Variants in PPM1E observed in about 807,000 individuals in gnomAD.
PPM1E encodes the protein protein phosphatase 1E.
Under a neutral mutation model 65.9 loss-of-function variants are expected in PPM1E, and 20 were observed. The observed-to-expected ratio is 0.30, with a 90% confidence interval of 0.21 to 0.44. The LOEUF is 0.44. Among genes scored for constraint, PPM1E ranks in the 20% least tolerant of loss-of-function variants. The pLI is 1.00. For synonymous variants in PPM1E, 352 were observed against 374.9 expected, an observed-to-expected ratio of 0.94 and a Z score of 0.70; for missense variants, 713 against 953.1, an observed-to-expected ratio of 0.75 and a Z score of 3.32.
At chr17:58,973,393 G>C (rs2030770582) in intron 6 of PPM1E, among the ~76,000 whole-genome samples, 1 of 150,092 alleles carries the variant, frequency 6.7e-6, no homozygotes, top group African/African-American at 2.5e-5. Flanking sequence ...CGCCAGCCTG[G>C]GTGACAGTGT....
At chr17:58,846,185 A>G (rs918927619) in intron 1 of PPM1E, among the ~76,000 whole-genome samples, 3 of 152,284 alleles carry the variant, frequency 2.0e-5, no homozygotes, top group African/African-American at 7.2e-5. Context: ...ATACCCATAG[A>G]ATTGCTGGGT....
At position 58,983,114 on chromosome 17, in the gene PPM1E, T is replaced by C. The variant is rs2031469198; in HGVS notation, c.*2083T>C. On this transcript the variant is annotated 3_prime_UTR_variant, in exon 7 of 7. Transcript: ENST00000308249. ...CTTTCTCAGTGGGGAAAAAAATGGC[T>C]GGATAGAACTGGGACAAACACAGAC... The C allele has an allele frequency of 1.8e-6, 1 of 556,440 alleles. No individual in the cohort carries two copies. 34.5% of individuals were successfully genotyped at this position (556,440 alleles called of 1,614,324 possible).
At chr17:58,766,204 T>G (rs1478149383) in intron 1 of PPM1E, among the ~76,000 whole-genome samples, 1,462 of 132,392 alleles carry the variant, frequency 0.011, 34 homozygotes, top group African/African-American at 0.04. Flanking sequence ...CTGTTTTTTT[T>G]TTTTTTTTTT....
intron 1 of PPM1E, among the ~76,000 whole-genome samples, chr17:58,922,123 C>T (rs148197462): frequency 2.3e-4 from 33 of 146,636 alleles, no homozygotes; most frequent in African/African-American, 3.8e-4. Context: ...TGAGAGCTTA[C>T]GTGAGTTATA....
At chr17:58,867,228 T>G (rs1363196537) in intron 1 of PPM1E, among the ~76,000 whole-genome samples, 1 of 152,242 alleles carries the variant, frequency 6.6e-6, no homozygotes, top group African/African-American at 2.4e-5. Context: ...TCTGCCTGCC[T>G]TGGCCTCCCA....
chr17:58,862,588 G>A (rs1312537917), intron 1 of PPM1E, among the ~76,000 whole-genome samples: 1 of 152,138 alleles, frequency 6.6e-6, no homozygotes, highest in African/African-American at 2.4e-5. Context: ...AAATATAATT[G>A]TCCTACCTTG....
chr17:58,814,927 C>G (rs1409198737), intron 1 of PPM1E, among the ~76,000 whole-genome samples: 1 of 152,206 alleles, frequency 6.6e-6, no homozygotes, highest in African/African-American at 2.4e-5. Context: ...TTGTGCAATT[C>G]TGTGATACAG....
At chr17:58,804,009 AC>A (rs1384029231) in intron 1 of PPM1E, among the ~76,000 whole-genome samples, 1 of 152,146 alleles carries the variant, frequency 6.6e-6, no homozygotes, top group Non-Finnish European at 1.5e-5. Flanking sequence ...GCTCACTGAG[AC>A]CTTAAACTCT....
intron 1 of PPM1E, among the ~76,000 whole-genome samples, chr17:58,765,303 G>A (rs781121629): frequency 8.0e-5 from 12 of 150,758 alleles, no homozygotes; most frequent in Admixed American, 2.7e-4. Context: ...TCAGCCTCCC[G>A]AGTAGCTGGG....
chr17:58,761,093 A>C (rs1427790339), intron 1 of PPM1E, among the ~76,000 whole-genome samples: 3 of 152,128 alleles, frequency 2.0e-5, no homozygotes, highest in Non-Finnish European at 4.4e-5. Context: ...TTTTAAAGAG[A>C]TGGGGTCTCA....
chr17:58,788,433 C>A (rs1001072704), intron 1 of PPM1E, among the ~76,000 whole-genome samples: 1 of 152,194 alleles, frequency 6.6e-6, no homozygotes, highest in African/African-American at 2.4e-5. Context: ...TCACTTCAGT[C>A]TGCTACAACG....
chr17:58,925,847 T>C (rs2051817556), intron 1 of PPM1E, among the ~76,000 whole-genome samples: 1 of 152,080 alleles, frequency 6.6e-6, no homozygotes, highest in Non-Finnish European at 1.5e-5. Context: ...TTTCAGAGTT[T>C]TGAGGGAGAA....
chr17:58,806,292 A>G (rs968791793), intron 1 of PPM1E, among the ~76,000 whole-genome samples: 2 of 151,808 alleles, frequency 1.3e-5, no homozygotes, highest in African/African-American at 4.8e-5. Context: ...ATTATTACCT[A>G]TCATTTTGCC....
At chr17:58,830,823 T>C (rs2050597416) in intron 1 of PPM1E, among the ~76,000 whole-genome samples, 1 of 151,772 alleles carries the variant, frequency 6.6e-6, no homozygotes. Context: ...TACCTAGAAC[T>C]ATAAGCGTGT....
intron 1 of PPM1E, among the ~76,000 whole-genome samples, chr17:58,924,946 A>G (rs2051805920): frequency 6.6e-6 from 1 of 152,072 alleles, no homozygotes; most frequent in South Asian, 2.1e-4. Context: ...CATGGTGTAT[A>G]TGTACCACAT....
At chr17:58,957,049 G>T (rs2029886377) in intron 2 of PPM1E, among the ~76,000 whole-genome samples, 1 of 152,100 alleles carries the variant, frequency 6.6e-6, no homozygotes, top group African/African-American at 2.4e-5. Context: ...TAAAGCATTG[G>T]TTTTTCCTCT....
intron 1 of PPM1E, among the ~76,000 whole-genome samples, chr17:58,852,392 G>A (rs1259467236): frequency 6.6e-6 from 1 of 152,000 alleles, no homozygotes; most frequent in East Asian, 1.9e-4. Context: ...GGCCATCTTG[G>A]AACCCTTATT....
intron 1 of PPM1E, among the ~76,000 whole-genome samples, chr17:58,950,777 C>CTTTT (rs1036026350): frequency 5.8e-5 from 7 of 119,886 alleles, no homozygotes; most frequent in African/African-American, 9.1e-5. Context: ...CTGTTTGGTT[C>CTTTT]TTTTTTTTTT....
intron 1 of PPM1E, among the ~76,000 whole-genome samples, chr17:58,950,854 C>T (rs1412690576): frequency 6.7e-6 from 1 of 150,092 alleles, no homozygotes; most frequent in East Asian, 2.0e-4. Flanking sequence ...TCTCTGCTCA[C>T]TGCAAGCTCC....
Sources: gnomAD v4.1 joint callset for allele counts (sites outside exome capture counted in the v4.1 genomes callset) on GRCh38, gnomAD v4.1.1 for gene constraint, MANE v1.5 for transcripts, NCBI Gene and HGNC (gene_info 2026-07-23, HGNC 2026-07-21) for gene names.